The following LRRC8B variants were observed in gnomAD, a reference collection of about 807,000 sequenced individuals.
The protein encoded by LRRC8B is leucine rich repeat containing 8 VRAC subunit B, also known as volume-regulated anion channel subunit LRRC8B.
A neutral mutation model predicts 58.8 loss-of-function variants in LRRC8B; 23 were observed. That is an observed-to-expected ratio of 0.39 (90% confidence interval 0.28 to 0.55). The LOEUF (loss-of-function observed/expected upper bound fraction) is 0.55, where lower values mean the gene tolerates loss of function less well. Among genes scored for constraint, LRRC8B ranks in the 20% least tolerant of loss-of-function variants. LRRC8B has a pLI of 0.62. For missense variants in LRRC8B, 694 were observed against 936.0 expected (o/e 0.74, Z 3.37); for synonymous variants, 359 against 374.1 (o/e 0.96, Z 0.47).
chr1:89,543,661 A>T (rs1166186480), intron 1 of LRRC8B, among the ~76,000 whole-genome samples: 1 of 151,264 alleles, frequency 6.6e-6, no homozygotes, highest in East Asian at 1.9e-4. Context: ...AGCCCTGGCT[A>T]ATTTTTTTTT....
chr1:89,578,941 T>C (rs1343813022), intron 3 of LRRC8B, among the ~76,000 whole-genome samples: 1 of 152,256 alleles, frequency 6.6e-6, no homozygotes, highest in Non-Finnish European at 1.5e-5. Context: ...AAAGCCTAAG[T>C]ATGTTTAATA....
chr1:89,540,594 G>A (rs939785929), intron 1 of LRRC8B, among the ~76,000 whole-genome samples: 3 of 152,200 alleles, frequency 2.0e-5, no homozygotes, highest in Admixed American at 6.5e-5. Flanking sequence ...AGTGCTGACC[G>A]TGGCACAGCC....
chr1:89,582,630 GTCC>G lies in LRRC8B; in HGVS notation c.-16_-14del. ...CTTTTATTTCCCTCTTCCAGTTTCT[GTCC>G]TCCTACAAGGGAAAGTCATGATTAC... On this transcript the variant is annotated 5_prime_UTR_variant, in exon 5 of 6. Transcript: ENST00000330947. 1 of 1,568,516 alleles carries G rather than the reference GTCC, an allele frequency of 6.4e-7. No homozygotes were observed. Among genetic ancestry groups the G allele is most frequent in the Non-Finnish European group, 8.8e-7 (1 of 1,141,502 alleles).
intron 1 of LRRC8B, among the ~76,000 whole-genome samples, chr1:89,539,036 A>C (rs1175495228): frequency 6.6e-6 from 1 of 152,136 alleles, no homozygotes; most frequent in Admixed American, 6.5e-5. Context: ...CAAGGTTTTT[A>C]ATACATCTGG....
At chr1:89,585,484 G>T (rs974863035) in intron 5 of LRRC8B, among the ~76,000 whole-genome samples, 1 of 152,058 alleles carries the variant, frequency 6.6e-6, no homozygotes, top group African/African-American at 2.4e-5. Flanking sequence ...GGAGGAGGAG[G>T]AAAAAGGAAA....
At chr1:89,579,766 A>G in intron 4 of LRRC8B, 78 bp downstream of exon 4, 1 of 152,640 alleles carries the variant, frequency 6.6e-6, no homozygotes, top group East Asian at 1.9e-4. Flanking sequence ...CACTCTGTCA[A>G]ATACCCTTAT....
intron 5 of LRRC8B, among the ~76,000 whole-genome samples, 173 bp downstream of exon 5, chr1:89,584,962 T>C (rs1654522136): frequency 6.6e-6 from 1 of 152,222 alleles, no homozygotes; most frequent in Non-Finnish European, 1.5e-5. Flanking sequence ...TTACAAGTCA[T>C]CGTGGAGATT....
chr1:89,584,248 G>T lies in LRRC8B; in HGVS notation c.1598G>T (p.Gly533Val), dbSNP rs2101069991. The change falls in exon 5 of 6, where the codon GGC becomes GTC. Residue 533 changes from glycine to valine, a missense_variant. Gly to Val is a moderately radical substitution (Grantham distance 109, BLOSUM62 -3). Transcript: ENST00000330947. ...CAGTTGAGTACTATGCAGTTGGAGG[G>T]CTTTCAGGACTTAAAAAATCTAAGG... ...PEQLSTMQLEGFQDLKNLRTL... is the reference protein window; with the variant it reads ...PEQLSTMQLEVFQDLKNLRTL... 9 of 1,612,826 alleles carry T rather than the reference G, an allele frequency of 5.6e-6. No homozygotes were observed. The highest frequency in any genetic ancestry group is 7.6e-6 in the Non-Finnish European group (9 of 1,180,016).
intron 1 of LRRC8B, among the ~76,000 whole-genome samples, chr1:89,545,917 G>A (rs530654911): frequency 3.3e-5 from 5 of 152,244 alleles, no homozygotes; most frequent in African/African-American, 9.6e-5. Flanking sequence ...AAATCATTGC[G>A]GATGAAACGA....
rs1039789367 is a variant in LRRC8B at position 89,539,853 on chromosome 1, A to G, written c.-241+14831A>G. Among the ~76,000 whole-genome samples the G allele has an allele frequency of 3.3e-5, 5 of 152,220 alleles. No individual in the cohort carries two copies. The East Asian group carries it at 9.6e-4, about 29-fold the overall frequency. ...ATCTGGATTACTAATAACTTGCAAT[A>G]TTTGCTCCTGGCCATTGGGGCCATT... On this transcript the variant is annotated intron_variant, in intron 1 of 5. Transcript: ENST00000330947.
chr1:89,543,481 C>T (rs1651172487), intron 1 of LRRC8B, among the ~76,000 whole-genome samples: 1 of 151,594 alleles, frequency 6.6e-6, no homozygotes, highest in Non-Finnish European at 1.5e-5. Context: ...CTAATATTAT[C>T]TAAGTTTTGA....
intron 3 of LRRC8B, among the ~76,000 whole-genome samples, chr1:89,577,980 G>A (rs1311040061): frequency 6.6e-6 from 1 of 152,152 alleles, no homozygotes; most frequent in Non-Finnish European, 1.5e-5. Flanking sequence ...ATGAGGTTGG[G>A]ATTTGAGTAT....
At chr1:89,590,257 G>C (rs1570653653) in intron 5 of LRRC8B, among the ~76,000 whole-genome samples, 2 of 152,244 alleles carry the variant, frequency 1.3e-5, no homozygotes, top group South Asian at 4.1e-4. Context: ...TGTTGACCCA[G>C]GCAAAATTGG....
At chr1:89,589,206 C>T (rs1654821072) in intron 5 of LRRC8B, among the ~76,000 whole-genome samples, 1 of 152,174 alleles carries the variant, frequency 6.6e-6, no homozygotes, top group Admixed American at 6.5e-5. Context: ...GTCCACTGCC[C>T]TTATTTTACT....
intron 1 of LRRC8B, among the ~76,000 whole-genome samples, chr1:89,565,979 C>T (rs1653021477): frequency 6.6e-6 from 1 of 152,174 alleles, no homozygotes. Context: ...TTCTTCCATC[C>T]ACATTCAATA....
rs181978158 is a variant in LRRC8B, at chr1:89,582,852, G to A, written c.202G>A (p.Val68Met). The A allele has an allele frequency of 1.7e-5, 27 of 1,614,144 alleles. No individual in the cohort carries two copies. The highest frequency in any genetic ancestry group is 1.5e-4 in the Admixed American group (9 of 60,022). Residue 68 changes from valine to methionine, a missense_variant, in exon 5 of 6, where the codon GTG becomes ATG. Around this residue, in one of 5 missense-constraint regions of LRRC8B, gnomAD observed 316 missense variants for 403.8 expected, o/e 0.78. Transcript: ENST00000330947. ...AGTGGAATTTGACAATCACTGTGCCGTGCCTTGGGACATCCTGAAAGCCAG... is the reference window on the plus strand; with the variant it reads ...AGTGGAATTTGACAATCACTGTGCCATGCCTTGGGACATCCTGAAAGCCAG... ...CKVEFDNHCA[V>M]PWDILKASMN...
chr1:89,557,799 C>T (rs1170978726), intron 1 of LRRC8B, among the ~76,000 whole-genome samples: 2 of 152,074 alleles, frequency 1.3e-5, no homozygotes, highest in African/African-American at 4.8e-5. Flanking sequence ...TGTGTGTTCC[C>T]CTGCTACGGC....
chr1:89,530,190 A>G (rs937671513), intron 1 of LRRC8B, among the ~76,000 whole-genome samples: 1 of 151,260 alleles, frequency 6.6e-6, no homozygotes, highest in African/African-American at 2.4e-5. Flanking sequence ...CTCTACAAAA[A>G]ATACAAAAAA....
chr1:89,579,008 A>G (rs1460952015), intron 3 of LRRC8B, among the ~76,000 whole-genome samples: 1 of 152,222 alleles, frequency 6.6e-6, no homozygotes, highest in Non-Finnish European at 1.5e-5. Context: ...GAAAAAGTAT[A>G]TTAACTTATC....
Sources: allele counts gnomAD v4.1 joint callset (sites outside exome capture counted in the v4.1 genomes callset), GRCh38; gene constraint gnomAD v4.1.1; regional missense constraint gnomAD v4.1.1; transcripts MANE v1.5; gene names NCBI Gene and HGNC (gene_info 2026-07-23, HGNC 2026-07-21).